CCDC154: variants seen among roughly 807,000 people sequenced by gnomAD.
CCDC154 encodes the protein coiled-coil domain containing 154, also known as coiled-coil domain-containing protein 154.
Under a neutral mutation model 87.5 loss-of-function variants are expected in CCDC154, and 91 were observed. That is an observed-to-expected ratio of 1.04 (90% CI 0.88 to 1.24). The LOEUF is 1.24. CCDC154 is among the 50% of genes most tolerant of loss of function. CCDC154 has a pLI of 0.00. For missense variants in CCDC154, 903 were observed against 879.2 expected (o/e 1.03, Z -0.34); for synonymous variants, 418 against 400.4 (o/e 1.04, Z -0.52).
chr16:1,437,729 C>A, intron 11 of CCDC154, 88 bp downstream of exon 11: 1 of 1,422,654 alleles, frequency 7.0e-7, no homozygotes, highest in East Asian at 2.5e-5. Flanking sequence ...CCTGTCAGGC[C>A]TCTACCCTGG....
chr16:1,436,192 G>A lies in CCDC154; in HGVS notation c.1488-106C>T, dbSNP rs115220603. On this transcript the variant is annotated intron_variant, in intron 13 of 16. Transcript: ENST00000389176. Reference sequence around the variant, plus strand: ...AGCCACCACAGGGTTAAGGAGGCTCGAGGGGGCTCAGCCCTGTCACCCCTC... The same window carrying A: ...AGCCACCACAGGGTTAAGGAGGCTCAAGGGGGCTCAGCCCTGTCACCCCTC... 1,933 of 1,007,392 alleles carry A rather than the reference G, an allele frequency of 1.9e-3. 22 individuals carry two copies. In the African/African-American group the frequency reaches 0.026, roughly 14 times the overall value. The allele number at this position is 1,007,392 out of a possible 1,614,324, so 62.4% of individuals were successfully genotyped here.
intron 6 of CCDC154, 139 bp from the exon 7 acceptor site, chr16:1,439,265 C>G: frequency 1.4e-6 from 1 of 727,440 alleles, no homozygotes; most frequent in Admixed American, 2.5e-5. Flanking sequence ...GCCTGCCACA[C>G]CCTCAGCCGG....
intron 6 of CCDC154, among the ~76,000 whole-genome samples, chr16:1,439,519 C>A (rs902973289): frequency 6.6e-5 from 10 of 151,984 alleles, no homozygotes; most frequent in African/African-American, 2.4e-4. Flanking sequence ...TGTCTCCACA[C>A]CAACAGCTGC....
At chr16:1,444,218 A>C in intron 1 of CCDC154, 98 bp downstream of exon 1, 4 of 1,223,824 alleles carry the variant, frequency 3.3e-6, no homozygotes, top group Non-Finnish European at 4.3e-6. Context: ...GGCAGGAACA[A>C]GCGAGCTGGA....
rs1049201915 is a variant in CCDC154 at position 1,434,719 on chromosome 16, G to A, written c.1826C>T (p.Ala609Val). ...VRPRVFIKDM[A>V]PGKVVPMNCW... is the part of the protein sequence containing the mutation. ...GTTCATGGGCACCACCTTGCCAGGCGCCATGTCCTTGATGAAGACCCGCGG... is the reference window on the plus strand; with the variant it reads ...GTTCATGGGCACCACCTTGCCAGGCACCATGTCCTTGATGAAGACCCGCGG... Residue 609 changes from alanine (A) to valine (V), a missense_variant, in exon 16 of 17, where the codon GCG becomes GTG. Physicochemically the swap from Ala to Val is moderately conservative, Grantham distance 64. Transcript: ENST00000389176. 11 of 1,546,622 alleles carry A rather than the reference G, an allele frequency of 7.1e-6. No individual in the cohort carries two copies. In the East Asian group the frequency reaches 7.3e-5, roughly 10 times the overall value.
intron 6 of CCDC154, 152 bp from the exon 7 acceptor site, chr16:1,439,278 G>GA: frequency 1.5e-6 from 1 of 677,058 alleles, no homozygotes; most frequent in South Asian, 1.8e-5. Flanking sequence ...TCAGCCGGAA[G>GA]AAAGCCACGG....
rs1243575354 is a variant in CCDC154, at chr16:1,435,230, G to C, written c.1606-55C>G. The C allele has an allele frequency of 2.7e-6, 4 of 1,455,450 alleles. No individual in the cohort carries two copies. The African/African-American group carries it at 5.6e-5, about 20-fold the overall frequency. The allele number at this position is 1,455,450 out of a possible 1,614,324, so 90.2% of individuals were successfully genotyped here. A position where few individuals can be genotyped will look rare whatever the true frequency, so the allele number is the denominator to read the frequency against. On this transcript the variant is annotated intron_variant, in intron 14 of 16. Coordinates refer to ENST00000389176, the MANE Select transcript of CCDC154 (RefSeq NM_001143980.3). ...AGGGCCAGTCTGCTGGCATCCTGCT[G>C]TCCCCACAGGCACCCCGATATCCAC...
chr16:1,442,563 C>A, intron 5 of CCDC154, 34 bp from the exon 6 acceptor site: 1 of 1,498,870 alleles, frequency 6.7e-7, no homozygotes. Context: ...ACCAGCCCAG[C>A]TGGCCGGAGG....
chr16:1,436,052 C>T lies in CCDC154; in HGVS notation c.1522G>A (p.Ala508Thr), dbSNP rs1425535891. The change falls in exon 14 of 17, where the codon GCC (alanine) becomes ACC (threonine). Residue 508 changes from alanine to threonine, a missense_variant. Transcript: ENST00000389176. ...FKVGALRQELATLLSSVQLLK... is the reference protein window; with the variant it reads ...FKVGALRQELTTLLSSVQLLK... ...AGCTGCACGGATGATAGTAGCGTGG[C>T]CAGCTCCTGCCGCAGGGCCCCAACC... 16 of 1,550,214 alleles carry T rather than the reference C, an allele frequency of 1.0e-5. No homozygotes were observed. In the East Asian group the frequency reaches 3.9e-4, roughly 38 times the overall value.
intron 16 of CCDC154, 32 bp from the exon 17 acceptor site, chr16:1,434,566 C>T (rs1427906192): frequency 3.7e-5 from 57 of 1,524,104 alleles, no homozygotes; most frequent in Admixed American, 1.0e-4. Flanking sequence ...GGCCCCTGCA[C>T]CCCCGCCCCA....
intron 14 of CCDC154, 101 bp from the exon 15 acceptor site, chr16:1,435,276 G>A (rs2038490797): frequency 9.7e-7 from 1 of 1,030,888 alleles, no homozygotes; most frequent in Admixed American, 2.1e-5. Context: ...TTACAGCTTG[G>A]GCAGGGGCCA....
At chr16:1,441,919 TTTTTG>T (rs896252305) in intron 6 of CCDC154, among the ~76,000 whole-genome samples, 2 of 75,436 alleles carry the variant, frequency 2.7e-5, no homozygotes, top group Non-Finnish European at 6.8e-5. Context: ...AGCTTTTGTT[TTTTTG>T]TTTTGTTTTG....
Position 1,438,928 on chromosome 16 carries a change from C to T in CCDC154, c.793G>A (p.Glu265Lys). The T allele has an allele frequency of 6.5e-7, 1 of 1,549,442 alleles. No homozygotes were observed. The highest frequency in any genetic ancestry group is 8.7e-7 in the Non-Finnish European group (1 of 1,146,468). ...LALEKRMKASESSRLKLEGSL... is the reference protein window; with the variant it reads ...LALEKRMKASKSSRLKLEGSL... ...CCCTCCAGCTTCAGCCGTGAGCTCT[C>T]CGAGGCCTTCATTCTCTGTGGGGAG... is the stretch of plus-strand genomic sequence containing the variant. Residue 265 changes from glutamate to lysine, a missense_variant, in exon 8 of 17, where the codon GAG becomes AAG. Physicochemically the swap from Glu to Lys is moderately conservative, Grantham distance 56 (BLOSUM62 1). Coordinates refer to ENST00000389176, the MANE Select transcript of CCDC154 (RefSeq NM_001143980.3).
rs906119047 is a variant in CCDC154 at position 1,434,699 on chromosome 16, T to C, written c.1846A>G (p.Met616Val). 10 of 1,546,908 alleles carry C rather than the reference T, an allele frequency of 6.5e-6. No homozygotes were observed. In the African/African-American group the frequency reaches 1.2e-4, roughly 19 times the overall value. The change falls in exon 16 of 17, where the codon ATG becomes GTG. Residue 616 changes from methionine to valine, a missense_variant. Met to Val is a conservative substitution (Grantham distance 21, BLOSUM62 1). Transcript: ENST00000389176. ...KDMAPGKVVP[M>V]NCWGVYQAVR... ...GCCTGGTACACGCCCCAGCAGTTCATGGGCACCACCTTGCCAGGCGCCATG... is the reference window on the plus strand; with the variant it reads ...GCCTGGTACACGCCCCAGCAGTTCACGGGCACCACCTTGCCAGGCGCCATG...
chr16:1,444,269 A>G (rs1323210254), intron 1 of CCDC154, 47 bp downstream of exon 1: 9 of 1,298,228 alleles, frequency 6.9e-6, no homozygotes, highest in Middle Eastern at 2.1e-4. Flanking sequence ...CCACCCTCAC[A>G]CCTGTGGCAA....
At chr16:1,442,806 G>C in intron 5 of CCDC154, 74 bp downstream of exon 5, 2 of 1,422,158 alleles carry the variant, frequency 1.4e-6, no homozygotes, top group Non-Finnish European at 1.9e-6. Context: ...GGGGACCCGT[G>C]TCTTGGCTCA....
chr16:1,438,795 C>T lies in CCDC154; in HGVS notation c.906+20G>A, dbSNP rs756482598. ...CACCCCGGCCCCGGCCCCACCTGCC[C>T]GCCGCCCGCCCGGCCCCACCTCATG... On this transcript the variant is annotated intron_variant, in intron 8 of 16. Coordinates refer to ENST00000389176, the MANE Select transcript of CCDC154 (RefSeq NM_001143980.3). 4.3e-5 allele frequency: 67 copies of T among 1,540,396 alleles called. No individual in the cohort carries two copies. Among genetic ancestry groups the T allele is most frequent in the East Asian group, 4.9e-5 (2 of 40,764 alleles).
intron 6 of CCDC154, 70 bp downstream of exon 6, chr16:1,442,336 A>G: frequency 6.9e-7 from 1 of 1,451,046 alleles, no homozygotes; most frequent in Non-Finnish European, 9.1e-7. Context: ...CGGATGGCAC[A>G]GGCCGAGAGG....
intron 4 of CCDC154, 124 bp from the exon 5 acceptor site, chr16:1,443,099 C>G: frequency 7.4e-7 from 1 of 1,359,962 alleles, no homozygotes; most frequent in Non-Finnish European, 1.0e-6. Flanking sequence ...TGAAGGCCGC[C>G]CAGGCACGTA....
Sources: allele counts gnomAD v4.1 joint callset (sites outside exome capture counted in the v4.1 genomes callset), GRCh38; gene constraint gnomAD v4.1.1; transcripts MANE v1.5; gene names NCBI Gene and HGNC (gene_info 2026-07-23, HGNC 2026-07-21).